SORCS2: variants seen among roughly 807,000 people sequenced by gnomAD.
The protein encoded by SORCS2 is VPS10 domain-containing receptor SorCS2.
In SORCS2, 100 loss-of-function variants were observed where a neutral mutation model predicts 141.6. That is an observed-to-expected ratio of 0.71 (90% CI 0.60 to 0.83). The LOEUF is 0.83. Among genes scored for constraint, SORCS2 ranks in the 40% least tolerant of loss-of-function variants. The pLI is 0.00. For missense variants in SORCS2, 1,646 were observed against 1,560.2 expected (o/e 1.05, Z -0.93); for synonymous variants, 789 against 676.9 (o/e 1.17, Z -2.57).
intron 1 of SORCS2, among the ~76,000 whole-genome samples, chr4:7,215,271 G>C (rs985300505): frequency 6.6e-6 from 1 of 152,216 alleles, no homozygotes; most frequent in Non-Finnish European, 1.5e-5. Context: ...CTTAGCACCC[G>C]GGCCAGCGGC....
chr4:7,342,435 T>A (rs1299511516), intron 1 of SORCS2, among the ~76,000 whole-genome samples: 1 of 152,228 alleles, frequency 6.6e-6, no homozygotes, highest in Non-Finnish European at 1.5e-5. Flanking sequence ...GCCTTGCAGA[T>A]TCCACAGCCG....
At chr4:7,315,985 C>T (rs1018937710) in intron 1 of SORCS2, among the ~76,000 whole-genome samples, 1 of 152,164 alleles carries the variant, frequency 6.6e-6, no homozygotes, top group African/African-American at 2.4e-5. Flanking sequence ...ATCCATCCAT[C>T]CATCCATTCA....
intron 3 of SORCS2, among the ~76,000 whole-genome samples, chr4:7,601,713 C>T (rs1402895273): frequency 6.9e-6 from 1 of 145,580 alleles, no homozygotes; most frequent in Non-Finnish European, 1.5e-5. Context: ...GGGTGTTTCT[C>T]GGAGAGGGGG....
At chr4:7,343,541 A>G (rs1720486135) in intron 1 of SORCS2, among the ~76,000 whole-genome samples, 2 of 152,212 alleles carry the variant, frequency 1.3e-5, no homozygotes, top group South Asian at 4.1e-4. Flanking sequence ...CCCTCTGCAC[A>G]GAGCCTTGAC....
At chr4:7,736,256 T>A (rs551527870) in intron 25 of SORCS2, among the ~76,000 whole-genome samples, 1 of 152,390 alleles carries the variant, frequency 6.6e-6, no homozygotes, top group South Asian at 2.1e-4. Context: ...GGCTCTAGAC[T>A]GAGGCAGCAG....
chr4:7,192,738 C>T lies in SORCS2; in HGVS notation c.92C>T (p.Pro31Leu), dbSNP rs1453682363. ...GGGGCTCCGCCGCCGCCGCGCTCGC[C>T]GCGCTCGCGGCCGCTCCTGCTGCTG... is the stretch of plus-strand genomic sequence containing the variant. Reference protein sequence around the residue: ...SPGAPPPPRSPRSRPLLLLLL... With the variant: ...SPGAPPPPRSLRSRPLLLLLL... Residue 31 changes from proline (P) to leucine (L), a missense_variant, in exon 1 of 27, where the codon CCG becomes CTG. Coordinates refer to ENST00000507866, the MANE Select transcript of SORCS2 (RefSeq NM_020777.3). The surrounding 1 kb of genome is among the most constrained non-coding windows in gnomAD (Gnocchi z 4.0). 4.0e-6 allele frequency: 4 copies of T among 993,588 alleles called. No homozygotes were observed. The highest frequency in any genetic ancestry group is 4.8e-6 in the Non-Finnish European group (4 of 837,114). The allele number at this position is 993,588 out of a possible 1,614,324, so 61.5% of individuals were successfully genotyped here. A position where few individuals can be genotyped will look rare whatever the true frequency, so the allele number is the denominator to read the frequency against.
intron 2 of SORCS2, among the ~76,000 whole-genome samples, chr4:7,496,867 T>C (rs1337567278): frequency 6.6e-6 from 1 of 152,166 alleles, no homozygotes; most frequent in African/African-American, 2.4e-5. Context: ...ACTCAGCTTA[T>C]CAAAGAAGCC....
rs759421655 is a variant in SORCS2 at position 7,462,343 on chromosome 4, T to C, written c.548+65988T>C. ...TCATGAGCCTCAGCTTGTTCATCTA[T>C]GTAATGGGGCAAAGGGCAGCACGAA... On this transcript the variant is annotated intron_variant, in intron 2 of 26. Transcript: ENST00000507866. Among the ~76,000 whole-genome samples, 20 of 152,274 alleles carry C rather than the reference T, an allele frequency of 1.3e-4. No homozygotes were observed. The South Asian group carries it at 1.9e-3, about 14-fold the overall frequency.
chr4:7,674,857 C>G (rs911831382), intron 8 of SORCS2, among the ~76,000 whole-genome samples: 1 of 151,484 alleles, frequency 6.6e-6, no homozygotes, highest in Non-Finnish European at 1.5e-5. Context: ...TGAGAACATG[C>G]GAAGGGAGCC....
chr4:7,481,959 C>A (rs1730666149), intron 2 of SORCS2, among the ~76,000 whole-genome samples: 1 of 133,916 alleles, frequency 7.5e-6, no homozygotes. Context: ...ACTGCGGACA[C>A]CCCTGACGCT....
chr4:7,421,438 C>G (rs1370984200), intron 2 of SORCS2, among the ~76,000 whole-genome samples: 1 of 152,170 alleles, frequency 6.6e-6, no homozygotes, highest in African/African-American at 2.4e-5. Flanking sequence ...TTTACTGCAT[C>G]TGTGATAATA....
chr4:7,657,920 G>A (rs115797484), intron 5 of SORCS2, among the ~76,000 whole-genome samples: 3 of 151,996 alleles, frequency 2.0e-5, no homozygotes, highest in Admixed American at 2.0e-4. Context: ...GTCTATGGTT[G>A]AGTGAGTGAA....
intron 1 of SORCS2, among the ~76,000 whole-genome samples, chr4:7,243,857 C>T (rs1458245881): frequency 6.6e-6 from 1 of 152,232 alleles, no homozygotes; most frequent in Non-Finnish European, 1.5e-5. Flanking sequence ...CCAGGCCAAA[C>T]CCTTCCCTGC....
chr4:7,454,918 G>C (rs1474901034), intron 2 of SORCS2, among the ~76,000 whole-genome samples: 1 of 141,004 alleles, frequency 7.1e-6, no homozygotes, highest in Non-Finnish European at 1.5e-5. Context: ...ACTGTGTTGG[G>C]GTCAGGTGCT....
At chr4:7,261,038 A>G (rs903120199) in intron 1 of SORCS2, among the ~76,000 whole-genome samples, 4 of 152,174 alleles carry the variant, frequency 2.6e-5, no homozygotes, top group African/African-American at 7.2e-5. Context: ...GATGCTTGGG[A>G]AAAGCCATCT....
At chr4:7,522,487 G>A (rs1402759777) in intron 2 of SORCS2, among the ~76,000 whole-genome samples, 1 of 152,194 alleles carries the variant, frequency 6.6e-6, no homozygotes, top group Non-Finnish European at 1.5e-5. Context: ...GTTGCTGGGT[G>A]CAGTTAAAGA....
At chr4:7,670,297 C>A (rs985665180) in intron 8 of SORCS2, among the ~76,000 whole-genome samples, 15 of 152,150 alleles carry the variant, frequency 9.9e-5, no homozygotes, top group Non-Finnish European at 2.1e-4. Flanking sequence ...ATATCTTTTG[C>A]TTATTTACTT....
intron 1 of SORCS2, among the ~76,000 whole-genome samples, chr4:7,231,110 T>TAAAG (rs1001218912): frequency 2.0e-5 from 3 of 152,260 alleles, no homozygotes; most frequent in African/African-American, 7.2e-5. Context: ...CTGGCTCACA[T>TAAAG]AAAGATGGAG....
intron 2 of SORCS2, among the ~76,000 whole-genome samples, chr4:7,511,947 G>A (rs1342137316): frequency 1.3e-5 from 2 of 152,186 alleles, no homozygotes; most frequent in African/African-American, 4.8e-5. Flanking sequence ...TGCAGGTCCT[G>A]GAGGGGCACG....
Sources: gnomAD v4.1 joint callset for allele counts (sites outside exome capture counted in the v4.1 genomes callset) on GRCh38, gnomAD v4.1.1 for gene constraint, Gnocchi (gnomAD v3.1) non-coding constraint, MANE v1.5 for transcripts, NCBI Gene and HGNC (gene_info 2026-07-23, HGNC 2026-07-21) for gene names.